Variants in VCL observed in about 807,000 individuals in gnomAD.
The protein encoded by VCL is vinculin, also known as epididymis luminal protein 114.
VCL carries 47 observed loss-of-function variants against 125.7 expected under a neutral mutation model. That is an observed-to-expected ratio of 0.37 (90% confidence interval 0.30 to 0.48). The LOEUF is 0.48. VCL is among the 20% of genes least tolerant of loss of function. The pLI is 0.99. For synonymous variants in VCL, 458 were observed against 514.6 expected, an observed-to-expected ratio of 0.89 and a Z score of 1.49; for missense variants, 1,069 against 1,455.5, an observed-to-expected ratio of 0.73 and a Z score of 4.32.
intron 6 of VCL, chr10:74,075,112 G>C: frequency 1.6e-6 from 1 of 613,964 alleles, no homozygotes; most frequent in Non-Finnish European, 2.8e-6. Flanking sequence ...CAAGTAAATA[G>C]GCATGTGGGG....
chr10:74,117,923 C>T, intron 21 of VCL, 100 bp from the exon 22 acceptor site: 9 of 1,506,662 alleles, frequency 6.0e-6, no homozygotes, highest in Non-Finnish European at 8.3e-6. Context: ...ATGCCAGGTA[C>T]CAGTGGGGTT....
intron 2 of VCL, among the ~76,000 whole-genome samples, chr10:74,068,152 T>A (rs1421761943): frequency 6.6e-6 from 1 of 152,244 alleles, no homozygotes; most frequent in Non-Finnish European, 1.5e-5. Context: ...TATGCATACC[T>A]TTGACTCAGC....
In VCL at chr10:74,009,223, C is replaced by T. The variant is rs570975778; in HGVS notation, c.168+10848C>T. 6.8e-5 allele frequency among the ~76,000 whole-genome samples: 8 copies of T among 117,408 alleles called. 2 individuals are homozygous for T. The highest frequency in any genetic ancestry group is 1.3e-4 in the Non-Finnish European group (7 of 54,646). 77.0% of individuals were successfully genotyped at this position (117,408 alleles called of 152,430 possible). A position where few individuals can be genotyped will look rare whatever the true frequency, so the allele number is the denominator to read the frequency against. ...TCTAGGTGGCTGCTGCTTTCCCCCCCCCCCCCCGAGCCATTTTAGTATTTA... is the reference window on the plus strand; with the variant it reads ...TCTAGGTGGCTGCTGCTTTCCCCCCTCCCCCCCGAGCCATTTTAGTATTTA... On this transcript the variant is annotated intron_variant, in intron 1 of 21. Coordinates refer to ENST00000211998, the MANE Select transcript of VCL (RefSeq NM_014000.3).
At chr10:74,060,099 C>G (rs1448520397) in intron 2 of VCL, among the ~76,000 whole-genome samples, 1 of 151,892 alleles carries the variant, frequency 6.6e-6, no homozygotes, top group African/African-American at 2.4e-5. Flanking sequence ...GAGTTCAAGA[C>G]CAGTGTGGGC....
intron 2 of VCL, among the ~76,000 whole-genome samples, chr10:74,049,727 C>T (rs940035730): frequency 2.0e-5 from 3 of 152,016 alleles, no homozygotes; most frequent in Non-Finnish European, 2.9e-5. Context: ...TAGAATTGGG[C>T]AGGAGGGAAG....
intron 8 of VCL, 34 bp from the exon 9 acceptor site, chr10:74,089,162 G>C (rs1263339994): frequency 2.5e-6 from 4 of 1,613,490 alleles, no homozygotes; most frequent in Non-Finnish European, 2.5e-6. Flanking sequence ...GTATTTGAGG[G>C]TGTACAATGA....
rs1840176991 is a variant in VCL at position 74,108,860 on chromosome 10, T to C, written c.2560-111T>C. The C allele has an allele frequency of 8.3e-6, 10 of 1,202,834 alleles. No individual in the cohort carries two copies. In the Admixed American group the frequency reaches 1.2e-4, roughly 14 times the overall value. The allele number at this position is 1,202,834 out of a possible 1,614,324, so 74.5% of individuals were successfully genotyped here. ...TTGTGGCTCAGTGTGGGTGGTCTTA[T>C]GTGGAGTCAATATGGGTGGGTTTTC... On this transcript the variant is annotated intron_variant, in intron 17 of 21. Coordinates refer to ENST00000211998, the MANE Select transcript of VCL (RefSeq NM_014000.3).
chr10:74,062,725 C>T (rs1841500382), intron 2 of VCL, among the ~76,000 whole-genome samples: 1 of 152,058 alleles, frequency 6.6e-6, no homozygotes, highest in Non-Finnish European at 1.5e-5. Flanking sequence ...GCTGGGACCA[C>T]AGGTACTTAC....
chr10:74,014,560 A>G (rs902233157), intron 1 of VCL, among the ~76,000 whole-genome samples: 6 of 152,002 alleles, frequency 3.9e-5, no homozygotes, highest in African/African-American at 1.4e-4. Flanking sequence ...TAAAAAAAAA[A>G]AAAAAGAAAA....
At chr10:74,110,586 C>T (rs1840205104) in intron 18 of VCL, among the ~76,000 whole-genome samples, 2 of 152,186 alleles carry the variant, frequency 1.3e-5, no homozygotes, top group Non-Finnish European at 2.9e-5. Flanking sequence ...TTCTGAGCAG[C>T]AGAGATGGGT....
At chr10:74,026,851 C>T (rs1840780527) in intron 1 of VCL, among the ~76,000 whole-genome samples, 1 of 152,124 alleles carries the variant, frequency 6.6e-6, no homozygotes, top group South Asian at 2.1e-4. Flanking sequence ...CATTACCTTC[C>T]AAGATGAGGA....
chr10:74,026,611 A>G (rs962707472), intron 1 of VCL, among the ~76,000 whole-genome samples: 1 of 152,192 alleles, frequency 6.6e-6, no homozygotes, highest in African/African-American at 2.4e-5. Flanking sequence ...GGAAAAAGGG[A>G]CTAATGTTTA....
At chr10:74,042,736 T>G (rs1158915459) in intron 1 of VCL, among the ~76,000 whole-genome samples, 2 of 152,340 alleles carry the variant, frequency 1.3e-5, no homozygotes, top group Non-Finnish European at 2.9e-5. Context: ...ATTCATGTAC[T>G]TCATGTAACA....
At chr10:74,034,026 G>A (rs1393694403) in intron 1 of VCL, among the ~76,000 whole-genome samples, 1 of 152,194 alleles carries the variant, frequency 6.6e-6, no homozygotes, top group Non-Finnish European at 1.5e-5. Flanking sequence ...GGGGCCATGT[G>A]TGTTTTCTTC....
intron 1 of VCL, among the ~76,000 whole-genome samples, chr10:74,031,154 A>G (rs569024542): frequency 7.8e-4 from 119 of 152,354 alleles, no homozygotes; most frequent in Middle Eastern, 3.4e-3. Flanking sequence ...TAGATCCTCA[A>G]TTATGCTAAT....
chr10:74,048,028 A>G (rs948274496), intron 2 of VCL, among the ~76,000 whole-genome samples: 4 of 152,366 alleles, frequency 2.6e-5, no homozygotes, highest in African/African-American at 9.6e-5. Context: ...CAAGACTGCA[A>G]TAATAGCCAC....
intron 2 of VCL, among the ~76,000 whole-genome samples, chr10:74,058,205 G>T (rs1281614255): frequency 6.6e-6 from 1 of 152,172 alleles, no homozygotes; most frequent in Non-Finnish European, 1.5e-5. Flanking sequence ...GCTGGGTGCA[G>T]TGGCCAGGTG....
chr10:74,073,474 C>T (rs1839524335), intron 5 of VCL, among the ~76,000 whole-genome samples: 1 of 152,194 alleles, frequency 6.6e-6, no homozygotes, highest in Non-Finnish European at 1.5e-5. Flanking sequence ...TCTATAAACT[C>T]TAGCCTAGGA....
At chr10:74,016,576 G>T (rs1052934437) in intron 1 of VCL, among the ~76,000 whole-genome samples, 86 of 152,060 alleles carry the variant, frequency 5.7e-4, no homozygotes, top group Non-Finnish European at 9.6e-4. Flanking sequence ...AACAGAGCGA[G>T]ACTCTGTCTC....
Sources: gnomAD v4.1 joint callset for allele counts (sites outside exome capture counted in the v4.1 genomes callset) on GRCh38, gnomAD v4.1.1 for gene constraint, MANE v1.5 for transcripts, NCBI Gene and HGNC (gene_info 2026-07-23, HGNC 2026-07-21) for gene names.